The following RBFOX1 variants were observed in gnomAD, a reference collection of about 807,000 sequenced individuals.
RBFOX1 encodes RNA binding protein fox-1 homolog 1.
Under a neutral mutation model 57.7 loss-of-function variants are expected in RBFOX1, and 8 were observed. That is an observed-to-expected ratio of 0.14 (90% CI 0.08 to 0.25). The LOEUF (loss-of-function observed/expected upper bound fraction) is 0.25, where lower values mean the gene tolerates loss of function less well. RBFOX1 is among the 10% of genes least tolerant of loss of function. The probability of loss-of-function intolerance (pLI) is 1.00; values close to 1 mark genes in which losing one functional copy is unlikely to be tolerated. For synonymous variants in RBFOX1, 326 were observed against 222.4 expected (o/e 1.47, Z -4.15); for missense variants, 611 against 548.5 (o/e 1.11, Z -1.14).
chr16:7,694,271 C>CATT (rs959741128), intron 14 of RBFOX1, among the ~76,000 whole-genome samples: 2 of 152,184 alleles, frequency 1.3e-5, no homozygotes, highest in African/African-American at 4.8e-5. Context: ...CAGACACATA[C>CATT]ATTAAACTGA....
intron 2 of RBFOX1, among the ~76,000 whole-genome samples, chr16:6,473,014 C>G (rs965979960): frequency 6.6e-6 from 1 of 152,094 alleles, no homozygotes; most frequent in Non-Finnish European, 1.5e-5. Flanking sequence ...ACTCTTCCAC[C>G]TTTACAAGAT....
chr16:6,780,188 TA>T (rs1567213984), intron 3 of RBFOX1, among the ~76,000 whole-genome samples: 900 of 39,984 alleles, frequency 0.023, 270 homozygotes, highest in African/African-American at 0.13. Flanking sequence ...TTTATATATA[TA>T]TTTATATATT....
chr16:7,492,193 C>T (rs1467023468), intron 4 of RBFOX1, among the ~76,000 whole-genome samples: 2 of 152,308 alleles, frequency 1.3e-5, no homozygotes, highest in East Asian at 1.9e-4. Flanking sequence ...CCTAAGCAGG[C>T]ATAAAATTCA....
At chr16:6,637,564 T>TCTATATTGTATATATAGAATAG (rs756936561) in intron 2 of RBFOX1, among the ~76,000 whole-genome samples, 1 of 128,474 alleles carries the variant, frequency 7.8e-6, no homozygotes, top group Admixed American at 9.5e-5. Flanking sequence ...ATATATAATA[T>TCTATATTGTATATATAGAATAG]TCTATATAGT....
intron 3 of RBFOX1, among the ~76,000 whole-genome samples, chr16:7,003,533 C>G (rs1430967675): frequency 1.3e-5 from 2 of 151,366 alleles, no homozygotes; most frequent in African/African-American, 4.9e-5. Flanking sequence ...CTCAGGGATG[C>G]ATATTTACAC....
intron 3 of RBFOX1, among the ~76,000 whole-genome samples, chr16:6,706,528 A>G (rs1210512340): frequency 6.6e-6 from 1 of 152,150 alleles, no homozygotes; most frequent in African/African-American, 2.4e-5. Context: ...TGTTAATTGT[A>G]TCTTTCTGTG....
intron 4 of RBFOX1, among the ~76,000 whole-genome samples, chr16:7,158,821 T>A (rs1477339745): frequency 6.6e-6 from 1 of 151,278 alleles, no homozygotes; most frequent in African/African-American, 2.4e-5. Flanking sequence ...GTGTCTCTAG[T>A]GTCAGCACTT....
chr16:5,916,465 T>C (rs11641411), intron 4 of RBFOX1, among the ~76,000 whole-genome samples: 8,505 of 152,216 alleles, frequency 0.056, 280 homozygotes, highest in Middle Eastern at 0.085. Context: ...AGGCCTCTGC[T>C]TGACCATTGC....
At chr16:5,417,367 C>G (rs1271579061) in intron 1 of RBFOX1, among the ~76,000 whole-genome samples, 4 of 152,168 alleles carry the variant, frequency 2.6e-5, no homozygotes, top group African/African-American at 9.7e-5. Flanking sequence ...TTCAGTAAGT[C>G]TGGCAAAACA....
chr16:6,534,149 C>T (rs1198598039), intron 2 of RBFOX1, among the ~76,000 whole-genome samples: 1 of 152,106 alleles, frequency 6.6e-6, no homozygotes, highest in Non-Finnish European at 1.5e-5. Flanking sequence ...AGGGAAATTA[C>T]CCAAACATCC....
intron 1 of RBFOX1, among the ~76,000 whole-genome samples, chr16:6,021,265 T>G (rs2095070256): frequency 1.3e-5 from 2 of 152,164 alleles, no homozygotes; most frequent in African/African-American, 4.8e-5. Flanking sequence ...AGCCCAAGTT[T>G]AGGACATGCC....
chr16:6,271,373 G>A (rs575641918), intron 1 of RBFOX1, among the ~76,000 whole-genome samples: 1 of 152,144 alleles, frequency 6.6e-6, no homozygotes. Flanking sequence ...GCAGTGAGTC[G>A]AGAGTGACCA....
chr16:7,644,933 G>A (rs776684805), intron 11 of RBFOX1, among the ~76,000 whole-genome samples: 10 of 152,080 alleles, frequency 6.6e-5, no homozygotes, highest in South Asian at 2.1e-4. Context: ...CTGGACAAAG[G>A]AGAGAGAATC....
chr16:5,315,331 C>T (rs774068292), intron 1 of RBFOX1, among the ~76,000 whole-genome samples: 5 of 152,164 alleles, frequency 3.3e-5, no homozygotes, highest in Non-Finnish European at 5.9e-5. Context: ...CTATTATTGC[C>T]CCACAGGCCA....
At chr16:5,765,283 C>G (rs2053735958) in intron 3 of RBFOX1, among the ~76,000 whole-genome samples, 1 of 152,152 alleles carries the variant, frequency 6.6e-6, no homozygotes, top group African/African-American at 2.4e-5. Flanking sequence ...AGCACTCCCC[C>G]AGTCTAAGAC....
chr16:5,705,118 A>G (rs1040626838), intron 3 of RBFOX1, among the ~76,000 whole-genome samples: 1 of 152,302 alleles, frequency 6.6e-6, no homozygotes, highest in South Asian at 2.1e-4. Flanking sequence ...ATTAGTAAAG[A>G]TAGGGTAAAA....
intron 2 of RBFOX1, among the ~76,000 whole-genome samples, chr16:5,481,264 T>G (rs1567145836): frequency 2.6e-5 from 4 of 152,196 alleles, no homozygotes; most frequent in Non-Finnish European, 1.5e-5. Flanking sequence ...TTGAGCATCT[T>G]CACCCCAGCA....
At chr16:5,726,275 T>G (rs541862973) in intron 3 of RBFOX1, among the ~76,000 whole-genome samples, 1 of 152,016 alleles carries the variant, frequency 6.6e-6, no homozygotes, top group Non-Finnish European at 1.5e-5. Context: ...TCTCCCTTTC[T>G]GGGGATGTAT....
At chr16:6,413,024 TA>T (rs1167269401) in intron 2 of RBFOX1, among the ~76,000 whole-genome samples, 2 of 152,128 alleles carry the variant, frequency 1.3e-5, no homozygotes, top group African/African-American at 2.4e-5. Flanking sequence ...CAGCTATTTT[TA>T]AAAAAAATTT....
Sources: allele counts gnomAD v4.1 joint callset (sites outside exome capture counted in the v4.1 genomes callset), GRCh38; gene constraint gnomAD v4.1.1; transcripts MANE v1.5; gene names NCBI Gene and HGNC (gene_info 2026-07-23, HGNC 2026-07-21).